PVT1: variants seen among roughly 807,000 people sequenced by gnomAD.
PVT1 encodes CXCR4/PVT1 fusion.
intron 3 of PVT1, among the ~76,000 whole-genome samples, chr8:127,915,770 T>C (rs1470841243): frequency 1.3e-5 from 2 of 152,200 alleles, no homozygotes; most frequent in Non-Finnish European, 2.9e-5. Flanking sequence ...GGAACCAGGA[T>C]TGGTCTGACT....
At chr8:128,035,192 G>T (rs1813446936) in intron 4 of PVT1, among the ~76,000 whole-genome samples, 1 of 152,158 alleles carries the variant, frequency 6.6e-6, no homozygotes, top group South Asian at 2.1e-4. Flanking sequence ...CTCTAGTCCT[G>T]CCTGGGTTCC....
intron 2 of PVT1, among the ~76,000 whole-genome samples, chr8:127,816,606 C>T (rs1292518943): frequency 6.6e-6 from 1 of 151,812 alleles, no homozygotes; most frequent in East Asian, 1.9e-4. Flanking sequence ...TAACTGTAAC[C>T]TCCACCTCCT....
chr8:127,918,822 C>T (rs1816022358), intron 3 of PVT1, among the ~76,000 whole-genome samples: 1 of 152,206 alleles, frequency 6.6e-6, no homozygotes, highest in Admixed American at 6.5e-5. Flanking sequence ...CTTTTCTAAC[C>T]ACCCAAGAGA....
intron 2 of PVT1, among the ~76,000 whole-genome samples, chr8:127,847,726 G>GGCAT (rs766759446): frequency 6.6e-6 from 1 of 152,112 alleles, no homozygotes; most frequent in Non-Finnish European, 1.5e-5. Flanking sequence ...CGGGGAGTAT[G>GGCAT]GCATGCCATC....
intron 2 of PVT1, among the ~76,000 whole-genome samples, chr8:127,857,354 C>G (rs575913919): frequency 6.6e-6 from 1 of 152,068 alleles, no homozygotes; most frequent in East Asian, 1.9e-4. Flanking sequence ...GAAGAGGCAG[C>G]TCGGTTCCCC....
At chr8:127,954,779 C>G (rs1299219480) in intron 3 of PVT1, among the ~76,000 whole-genome samples, 1 of 152,168 alleles carries the variant, frequency 6.6e-6, no homozygotes, top group East Asian at 1.9e-4. Flanking sequence ...AATGACTGAG[C>G]TGCTGCTCTG....
intron 3 of PVT1, chr8:127,947,831 A>G (rs1382991703): frequency 4.4e-6 from 2 of 456,424 alleles, no homozygotes; most frequent in Non-Finnish European, 4.4e-6. Context: ...AAAAGCTCAC[A>G]TTTATTAAGC....
chr8:128,077,388 G>C (rs1417825729), intron 5 of PVT1, among the ~76,000 whole-genome samples: 1 of 152,142 alleles, frequency 6.6e-6, no homozygotes, highest in East Asian at 1.9e-4. Flanking sequence ...CCCTCTCCTA[G>C]CATCTGCTTC....
rs995087614 is a variant in PVT1, at chr8:127,927,294, A to T, written n.782+36296A>T. The stretch of plus-strand genomic sequence containing the variant: ...CTCCACACAGGCTGGAAAGACATCC[A>T]GAAGGAGTCCTGGGCTCCCTCACCA... On this transcript the variant is annotated intron_variant and non_coding_transcript_variant, in intron 3 of 10. Transcript: ENST00000651587. Among the ~76,000 whole-genome samples the T allele has an allele frequency of 8.5e-5, 13 of 152,360 alleles. No individual in the cohort carries two copies. The East Asian group carries it at 2.5e-3, about 29-fold the overall frequency.
intron 4 of PVT1, among the ~76,000 whole-genome samples, chr8:127,998,898 T>C (rs1817142058): frequency 1.3e-5 from 2 of 148,808 alleles, no homozygotes; most frequent in Middle Eastern, 6.8e-3. Flanking sequence ...ATCCATACTT[T>C]CTGGCACTAT....
At chr8:127,796,486 T>C (rs949781025) in intron 2 of PVT1, among the ~76,000 whole-genome samples, 1 of 152,116 alleles carries the variant, frequency 6.6e-6, no homozygotes, top group African/African-American at 2.4e-5. Flanking sequence ...GTTTTTTTTT[T>C]CCGCCTCCTG....
chr8:127,940,235 A>C (rs1464654993), intron 3 of PVT1: 2 of 152,128 alleles, frequency 1.3e-5, no homozygotes, highest in Non-Finnish European at 2.9e-5. Context: ...ACAGGCCAAG[A>C]TCTTTTAACA....
rs570314609 is a variant in PVT1 at position 127,880,391 on chromosome 8, G to A, written n.373-10198G>A. On this transcript the variant is annotated intron_variant and non_coding_transcript_variant, in intron 2 of 10. Transcript: ENST00000651587. ...CTGCAACCTCCACTTCCGGGTTCACGCCATTCTCCTGCCTCAGCCTCCTGA... is the reference window on the plus strand; with the variant it reads ...CTGCAACCTCCACTTCCGGGTTCACACCATTCTCCTGCCTCAGCCTCCTGA... Among the ~76,000 whole-genome samples, 3 of 149,492 alleles carry A rather than the reference G, an allele frequency of 2.0e-5. No individual in the cohort carries two copies. In the East Asian group the frequency reaches 6.0e-4, roughly 30 times the overall value.
chr8:127,993,342 C>A (rs1373170817), intron 4 of PVT1, among the ~76,000 whole-genome samples: 1 of 152,242 alleles, frequency 6.6e-6, no homozygotes, highest in Non-Finnish European at 1.5e-5. Context: ...GGCTGCGCCA[C>A]CACCTGAAAA....
intron 4 of PVT1, among the ~76,000 whole-genome samples, chr8:127,992,840 C>T (rs1353513233): frequency 1.3e-5 from 2 of 152,214 alleles, no homozygotes; most frequent in Non-Finnish European, 2.9e-5. Flanking sequence ...GATACTGCCA[C>T]ACTGGTCATG....
At chr8:127,958,620 G>A (rs574937063) in intron 3 of PVT1, among the ~76,000 whole-genome samples, 10 of 152,292 alleles carry the variant, frequency 6.6e-5, no homozygotes, top group Non-Finnish European at 1.0e-4. Context: ...AGGAAACTGA[G>A]GCTCAGAGAG....
chr8:128,006,148 T>TAAA (rs1157889887), intron 4 of PVT1, among the ~76,000 whole-genome samples: 113 of 131,472 alleles, frequency 8.6e-4, no homozygotes, highest in Non-Finnish European at 1.4e-3. Flanking sequence ...ATAATAATAA[T>TAAA]AAAAAGATAA....
rs68010926 is a variant in PVT1, at chr8:127,970,289, G to GTTT, written n.783-18849_783-18847dup. The stretch of plus-strand genomic sequence containing the variant: ...CATTCCTCTCCATCTGCCATGATTT[G>GTTT]TTTTTTTTTTTTTTTTTTTTTTTTT... On this transcript the variant is annotated intron_variant and non_coding_transcript_variant, in intron 3 of 10. Transcript: ENST00000651587. 5.7e-3 allele frequency among the ~76,000 whole-genome samples: 280 copies of GTTT among 49,112 alleles called. 90 individuals are homozygous for GTTT. The highest frequency in any genetic ancestry group is 0.019 in the African/African-American group (228 of 11,790). 32.2% of individuals were successfully genotyped at this position (49,112 alleles called of 152,430 possible).
At chr8:128,089,346 AG>A (rs1439181036) in intron 5 of PVT1, among the ~76,000 whole-genome samples, 1 of 152,162 alleles carries the variant, frequency 6.6e-6, no homozygotes, top group Non-Finnish European at 1.5e-5. Flanking sequence ...AGGAAGGGGC[AG>A]GAGAGCTCTC....
Sources: allele counts gnomAD v4.1 joint callset (sites outside exome capture counted in the v4.1 genomes callset), GRCh38; gene constraint gnomAD v4.1.1; transcripts MANE v1.5; gene names NCBI Gene and HGNC (gene_info 2026-07-23, HGNC 2026-07-21).